The following PTPRJ variants were observed in gnomAD, a reference collection of about 807,000 sequenced individuals.
The protein encoded by PTPRJ is protein tyrosine phosphatase receptor type J.
In PTPRJ, 129 loss-of-function variants were observed where a neutral mutation model predicts 141.3. The observed-to-expected ratio is 0.91, with a 90% confidence interval of 0.79 to 1.06. The LOEUF (loss-of-function observed/expected upper bound fraction) is 1.06, where lower values mean the gene tolerates loss of function less well. Among genes scored for constraint, PTPRJ ranks in the 50% least tolerant of loss-of-function variants. The pLI is 0.00. For missense variants in PTPRJ, 1,601 were observed against 1,679.7 expected, an observed-to-expected ratio of 0.95 and a Z score of 0.82; for synonymous variants, 610 against 640.5, an observed-to-expected ratio of 0.95 and a Z score of 0.72.
In PTPRJ at chr11:48,138,064, G is replaced by T. The variant is rs554377465; in HGVS notation, c.2152+783G>T. 1.4e-4 allele frequency among the ~76,000 whole-genome samples: 22 copies of T among 152,282 alleles called. No homozygotes were observed. The South Asian group carries it at 4.1e-3, about 29-fold the overall frequency. On this transcript the variant is annotated intron_variant, in intron 10 of 24. Coordinates refer to ENST00000418331, the MANE Select transcript of PTPRJ (RefSeq NM_002843.4). ...AGCACCCGTGCACTACTCATTTTCT[G>T]CCCTTCTCGCTCCTACCTCTTCCCT...
intron 1 of PTPRJ, among the ~76,000 whole-genome samples, chr11:48,051,440 TC>T (rs1009265370): frequency 4.6e-5 from 7 of 152,066 alleles, no homozygotes; most frequent in African/African-American, 1.7e-4. Context: ...ATCATGCTTT[TC>T]CCCCCACCCA....
At position 48,081,449 on chromosome 11, in the gene PTPRJ, G is replaced by T. The variant is rs138121546; in HGVS notation, c.97-28609G>T. On this transcript the variant is annotated intron_variant, in intron 1 of 24. Coordinates refer to ENST00000418331, the MANE Select transcript of PTPRJ (RefSeq NM_002843.4). ...AGGGAGGAGAGGAAGCTCCATGTGG[G>T]GCTTGGGCTTGGCGGACGACTTGGG... Among the ~76,000 whole-genome samples the T allele has an allele frequency of 5.0e-3, 769 of 152,304 alleles. 9 individuals carry two copies. Among genetic ancestry groups the T allele is most frequent in the African/African-American group, 0.018 (752 of 41,570 alleles).
chr11:48,127,407 G>A (rs902323560), intron 6 of PTPRJ, among the ~76,000 whole-genome samples: 11 of 152,116 alleles, frequency 7.2e-5, no homozygotes, highest in Admixed American at 5.2e-4. Context: ...CTGTGATCTC[G>A]GGCGATCACA....
chr11:48,097,092 A>G (rs1356346516), intron 1 of PTPRJ, among the ~76,000 whole-genome samples: 2 of 152,198 alleles, frequency 1.3e-5, no homozygotes, highest in African/African-American at 4.8e-5. Flanking sequence ...GGCATGGGGT[A>G]TCGAGTCTCA....
chr11:48,160,090 C>A, intron 22 of PTPRJ, 41 bp downstream of exon 22: 1 of 1,603,032 alleles, frequency 6.2e-7, no homozygotes, highest in South Asian at 1.1e-5. Flanking sequence ...ATGTAATTAC[C>A]ATATGTTAAT....
At chr11:48,028,947 T>C (rs775929319) in intron 1 of PTPRJ, among the ~76,000 whole-genome samples, 1 of 152,176 alleles carries the variant, frequency 6.6e-6, no homozygotes, top group African/African-American at 2.4e-5. Context: ...AAATGAAAGA[T>C]GGTTTGGAAG....
chr11:48,157,060 G>C (rs1857629555), intron 21 of PTPRJ, among the ~76,000 whole-genome samples: 1 of 151,844 alleles, frequency 6.6e-6, no homozygotes, highest in Admixed American at 6.6e-5. Flanking sequence ...TGTGATCTTG[G>C]CTTTTGCAAC....
chr11:48,134,155 T>C (rs1857036407), intron 8 of PTPRJ, among the ~76,000 whole-genome samples: 1 of 152,224 alleles, frequency 6.6e-6, no homozygotes, highest in Non-Finnish European at 1.5e-5. Flanking sequence ...AATATCTCTA[T>C]TTTTCTAACC....
intron 1 of PTPRJ, among the ~76,000 whole-genome samples, chr11:48,011,838 T>A (rs1331123905): frequency 2.0e-5 from 3 of 151,950 alleles, no homozygotes; most frequent in Non-Finnish European, 4.4e-5. Context: ...ATTAAAAACA[T>A]TTTTTTGTAG....
Position 48,139,701 on chromosome 11 carries a change from A to T in PTPRJ, c.2368A>T (p.Asn790Tyr). 1 of 1,614,108 alleles carries T rather than the reference A, an allele frequency of 6.2e-7. No individual in the cohort carries two copies. ...VTYLNFSTSY[N>Y]ISITTVSCGK... The stretch of plus-strand genomic sequence containing the variant: ...GTATTTGAATTTTTCTACCTCGTAC[A>T]ACATCAGCATCACCACTGTGTCCTG... Residue 790 changes from asparagine (N) to tyrosine (Y), a missense_variant, in exon 11 of 25, where the codon AAC becomes TAC. Asn to Tyr is a moderately radical substitution (Grantham distance 143, BLOSUM62 -2). Coordinates refer to ENST00000418331, the MANE Select transcript of PTPRJ (RefSeq NM_002843.4).
intron 8 of PTPRJ, chr11:48,131,692 A>C (rs1856987954): frequency 1.9e-6 from 1 of 530,100 alleles, no homozygotes; most frequent in Admixed American, 3.5e-5. Context: ...GAGTAGTGGC[A>C]GCAGAGAACG....
At chr11:48,111,698 A>G (rs545207900) in intron 2 of PTPRJ, among the ~76,000 whole-genome samples, 7 of 152,156 alleles carry the variant, frequency 4.6e-5, no homozygotes, top group Non-Finnish European at 1.0e-4. Flanking sequence ...AACAGAAATC[A>G]TGAGCTATTT....
intron 1 of PTPRJ, among the ~76,000 whole-genome samples, chr11:48,039,467 GT>G (rs1396327077): frequency 1.5e-3 from 17 of 11,312 alleles, no homozygotes; most frequent in African/African-American, 2.6e-3. Context: ...ACACTATGGT[GT>G]GTGTGTGTGT....
chr11:48,048,298 C>G lies in PTPRJ; in HGVS notation c.97-61760C>G, dbSNP rs556681359. Among the ~76,000 whole-genome samples the G allele has an allele frequency of 5.3e-5, 8 of 152,262 alleles. 1 individual carries two copies. In the South Asian group the frequency reaches 1.7e-3, roughly 32 times the overall value. On this transcript the variant is annotated intron_variant, in intron 1 of 24. Transcript: ENST00000418331. ...TTGTTGATACCCCTTCTCACAGAAC[C>G]TGATCTGCCTCAGCTCTCCTTGCCT...
At position 48,152,389 on chromosome 11, in the gene PTPRJ, C is replaced by T. The variant is rs897034675; in HGVS notation, c.3139-1407C>T. ...TAGATTGCAAAAATTTTCTCCCATTCTGTAGGTTGCCTGTTCACTCTGATG... is the reference window on the plus strand; with the variant it reads ...TAGATTGCAAAAATTTTCTCCCATTTTGTAGGTTGCCTGTTCACTCTGATG... On this transcript the variant is annotated intron_variant, in intron 18 of 24. Transcript: ENST00000418331. Among the ~76,000 whole-genome samples, 39 of 152,170 alleles carry T rather than the reference C, an allele frequency of 2.6e-4. No individual in the cohort carries two copies. In the Middle Eastern group the frequency reaches 0.01, roughly 40 times the overall value.
At chr11:48,065,497 ATCTGTAAG>A (rs1855062281) in intron 1 of PTPRJ, among the ~76,000 whole-genome samples, 2 of 152,156 alleles carry the variant, frequency 1.3e-5, no homozygotes, top group Admixed American at 1.3e-4. Flanking sequence ...TTCTAGAAAC[ATCTGTAAG>A]TCTTTTTCCT....
At position 48,144,657 on chromosome 11, in the gene PTPRJ, T is replaced by C; in HGVS notation, c.2576-18T>C. The C allele has an allele frequency of 6.3e-7, 1 of 1,594,612 alleles. No individual in the cohort carries two copies. The highest frequency in any genetic ancestry group is 1.3e-5 in the African/African-American group (1 of 74,732). ...GCCATCACTTTCTTATGATTCTCCT[T>C]CTGTGTACCTTTCTTAGCTGGTCAC... On this transcript the variant is annotated intron_variant, in intron 12 of 24. Transcript: ENST00000418331.
Position 48,145,036 on chromosome 11 carries a change from C to T in PTPRJ, c.2823C>T (p.His941=), listed in dbSNP as rs1857318673. 2.5e-6 allele frequency: 4 copies of T among 1,614,166 alleles called. No homozygotes were observed. The highest frequency in any genetic ancestry group is 1.7e-5 in the Admixed American group (1 of 60,030). Residue 941 remains histidine, a synonymous_variant, in exon 14 of 25, where the codon CAC becomes CAT. Coordinates refer to ENST00000418331, the MANE Select transcript of PTPRJ (RefSeq NM_002843.4). ...CTGGCTTCACCAACATTACCTTCCA[C>T]CCTCAAAACAAGGGGCTCATTGATG... ...CVAGFTNITF[H]PQNKGLIDGA...
chr11:48,147,069 C>T, intron 15 of PTPRJ, 106 bp downstream of exon 15: 1 of 946,680 alleles, frequency 1.1e-6, no homozygotes, highest in Non-Finnish European at 1.7e-6. Flanking sequence ...TGATGAGCGC[C>T]ATGTTCCCTT....
Sources: allele counts gnomAD v4.1 joint callset (sites outside exome capture counted in the v4.1 genomes callset), GRCh38; gene constraint gnomAD v4.1.1; transcripts MANE v1.5; gene names NCBI Gene and HGNC (gene_info 2026-07-23, HGNC 2026-07-21).